The following ANO10 variants were observed in gnomAD, a reference collection of about 807,000 sequenced individuals.
ANO10 encodes anoctamin 10.
In ANO10, 77 loss-of-function variants were observed where a neutral mutation model predicts 74.7. The ratio of observed to expected loss-of-function variants is 1.03; its 90% CI spans 0.86 to 1.25. The LOEUF (loss-of-function observed/expected upper bound fraction) is 1.25. ANO10 is among the 50% of genes most tolerant of loss of function. The pLI, the probability that ANO10 is intolerant of heterozygous loss-of-function variation, is 0.00. For synonymous variants in ANO10, 279 were observed against 284.9 expected (o/e 0.98, Z 0.21); for missense variants, 721 against 778.1 (o/e 0.93, Z 0.87).
chr3:43,494,096 A>T (rs1179329042), intron 11 of ANO10, among the ~76,000 whole-genome samples: 1 of 152,230 alleles, frequency 6.6e-6, no homozygotes, highest in Non-Finnish European at 1.5e-5. Context: ...AAAGACTAAG[A>T]CAGAGATGTT....
rs575365246 is a variant in ANO10 at position 43,610,549 on chromosome 3, C to T, written c.-11-4686G>A. ...CGGCATCACCACAAACACATGAATA[C>T]TGTGTTACACTACGATGTCAGCAGG... On this transcript the variant is annotated intron_variant, in intron 1 of 12. Transcript: ENST00000292246. Among the ~76,000 whole-genome samples, 8 of 152,332 alleles carry T rather than the reference C, an allele frequency of 5.3e-5. No homozygotes were observed. In the South Asian group the frequency reaches 1.7e-3, roughly 32 times the overall value.
At chr3:43,395,599 T>A (rs1247777634) in intron 12 of ANO10, among the ~76,000 whole-genome samples, 1 of 152,206 alleles carries the variant, frequency 6.6e-6, no homozygotes, top group Non-Finnish European at 1.5e-5. Context: ...CATACATGTG[T>A]GAGGTTATCA....
Position 43,428,796 on chromosome 3 carries a change from C to CAA in ANO10, c.1914+3813_1914+3814dup, listed in dbSNP as rs56213626. On this transcript the variant is annotated intron_variant, in intron 12 of 12. Coordinates refer to ENST00000292246, the MANE Select transcript of ANO10 (RefSeq NM_018075.5). ...CCAAAATCCTGAAACTTTGTGAATG[C>CAA]AAAAAAAAAAAAAAAAAAAAAAGTC... is the stretch of plus-strand genomic sequence containing the variant. 7.4e-4 allele frequency among the ~76,000 whole-genome samples: 41 copies of CAA among 55,438 alleles called. 12 individuals are homozygous for CAA. The highest frequency in any genetic ancestry group is 9.3e-4 in the Non-Finnish European group (29 of 31,072). 36.4% of individuals were successfully genotyped at this position (55,438 alleles called of 152,430 possible).
chr3:43,524,808 T>C (rs1427266853), intron 11 of ANO10, among the ~76,000 whole-genome samples: 1 of 152,156 alleles, frequency 6.6e-6, no homozygotes, highest in Non-Finnish European at 1.5e-5. Flanking sequence ...CAGTCACTCA[T>C]GATATTTCCT....
intron 12 of ANO10, among the ~76,000 whole-genome samples, chr3:43,379,393 T>G (rs369665968): frequency 6.6e-6 from 1 of 150,568 alleles, no homozygotes; most frequent in South Asian, 2.1e-4. Context: ...AAATGGCAAA[T>G]AGAAGGAAGG....
intron 4 of ANO10, among the ~76,000 whole-genome samples, chr3:43,596,977 A>C (rs2082118399): frequency 6.6e-6 from 1 of 152,260 alleles, no homozygotes; most frequent in African/African-American, 2.4e-5. Flanking sequence ...ATTTCTCAAA[A>C]GAAGACATTT....
intron 2 of ANO10, among the ~76,000 whole-genome samples, chr3:43,602,016 G>A (rs1334861261): frequency 1.3e-5 from 2 of 152,142 alleles, no homozygotes; most frequent in Non-Finnish European, 2.9e-5. Context: ...CCTGCACAAC[G>A]TTAAGTTTCC....
intron 11 of ANO10, among the ~76,000 whole-genome samples, chr3:43,502,294 A>T (rs2077127472): frequency 6.6e-6 from 1 of 152,114 alleles, no homozygotes; most frequent in Non-Finnish European, 1.5e-5. Context: ...CTGATCCCTG[A>T]TATTGGAGAT....
chr3:43,496,836 CCT>C (rs757556310), intron 11 of ANO10, among the ~76,000 whole-genome samples: 1 of 152,076 alleles, frequency 6.6e-6, no homozygotes, highest in Non-Finnish European at 1.5e-5. Flanking sequence ...TTCAAATCCT[CCT>C]CTGATTTTTG....
chr3:43,585,335 GGGAA>G (rs143780186), intron 4 of ANO10, among the ~76,000 whole-genome samples: 9,015 of 151,996 alleles, frequency 0.059, 363 homozygotes, highest in Admixed American at 0.11. Flanking sequence ...CGGAAGGAAA[GGGAA>G]GGGAGAAGAG....
At chr3:43,690,905 C>T (rs1320988126) in intron 1 of ANO10, 3 of 1,408,350 alleles carry the variant, frequency 2.1e-6, no homozygotes, top group East Asian at 5.8e-5. Flanking sequence ...CGGCCTGCGC[C>T]GCCTTAAGTG....
At chr3:43,602,474 T>C (rs1299698298) in intron 2 of ANO10, among the ~76,000 whole-genome samples, 2 of 152,154 alleles carry the variant, frequency 1.3e-5, no homozygotes, top group South Asian at 2.1e-4. Flanking sequence ...ATAACTGAGA[T>C]ACAGGCACAC....
At chr3:43,556,720 G>C (rs1301632465) in intron 9 of ANO10, among the ~76,000 whole-genome samples, 1 of 152,096 alleles carries the variant, frequency 6.6e-6, no homozygotes, top group Non-Finnish European at 1.5e-5. Flanking sequence ...CAGCTGAGAA[G>C]TTTTAAACTG....
Position 43,571,885 on chromosome 3 carries a change from T to C in ANO10, c.1218+2924A>G, listed in dbSNP as rs1339879560. Among the ~76,000 whole-genome samples the C allele has an allele frequency of 4.1e-5, 4 of 96,826 alleles. No homozygotes were observed. The South Asian group carries it at 9.1e-4, about 22-fold the overall frequency. The allele number at this position is 96,826 out of a possible 152,430, so 63.5% of individuals were successfully genotyped here. On this transcript the variant is annotated intron_variant, in intron 7 of 12. Coordinates refer to ENST00000292246, the MANE Select transcript of ANO10 (RefSeq NM_018075.5). The stretch of plus-strand genomic sequence containing the variant: ...ATTAAAAAAAAAAAAAAAAGAAAAA[T>C]GTAATGGGAGACTTCCAGTCTAAAT...
intron 12 of ANO10, among the ~76,000 whole-genome samples, chr3:43,379,770 G>A (rs1216318614): frequency 6.6e-6 from 1 of 152,114 alleles, no homozygotes; most frequent in Non-Finnish European, 1.5e-5. Context: ...TACAGCAGAG[G>A]CAAGGTTGTT....
rs146398090 is a variant in ANO10, at chr3:43,561,533, T to A, written c.1294-131A>T. On this transcript the variant is annotated intron_variant, in intron 8 of 12. Coordinates refer to ENST00000292246, the MANE Select transcript of ANO10 (RefSeq NM_018075.5). ...CAATTATGCAACAAATAAAATGGAA[T>A]CTTCAATAAATAGCATACTATTGTG... 26 of 865,842 alleles carry A rather than the reference T, an allele frequency of 3.0e-5. No individual in the cohort carries two copies. In the African/African-American group the frequency reaches 3.9e-4, roughly 13 times the overall value. 53.6% of individuals were successfully genotyped at this position (865,842 alleles called of 1,614,324 possible). A position where few individuals can be genotyped will look rare whatever the true frequency, so the allele number is the denominator to read the frequency against.
Position 43,605,814 on chromosome 3 carries a change from A to T in ANO10, c.39T>A (p.Ser13Arg). 1 of 1,613,752 alleles carries T rather than the reference A, an allele frequency of 6.2e-7. No homozygotes were observed. ...CTATGACCACCAAAGGTGTGAAAGA[A>T]CTCTCAGAAGTATCCAAAGCTGATA... ...VTLSALDTSESSFTPLVVIEL... is the reference protein window; with the variant it reads ...VTLSALDTSERSFTPLVVIEL... The change falls in exon 2 of 13, where the codon AGT becomes AGA. Residue 13 changes from serine to arginine, a missense_variant. Coordinates refer to ENST00000292246, the MANE Select transcript of ANO10 (RefSeq NM_018075.5).
rs185610737 is a variant in ANO10 at position 43,682,727 on chromosome 3, C to G, written c.-12+8790G>C. ...TCCAGCAGCACATCAAAAAGCTTAT[C>G]CACCATGATCAAGTGGGCTTCATCC... On this transcript the variant is annotated intron_variant, in intron 1 of 3. Transcript: ENST00000413397. Among the ~76,000 whole-genome samples, 1,340 of 152,290 alleles carry G rather than the reference C, an allele frequency of 8.8e-3. 12 individuals are homozygous for G. Among genetic ancestry groups the G allele is most frequent in the Non-Finnish European group, 0.015 (1,011 of 68,036 alleles).
rs558457898 is a variant in ANO10 at position 43,381,448 on chromosome 3, C to G, written c.1915-14474G>C. Among the ~76,000 whole-genome samples the G allele has an allele frequency of 3.3e-5, 5 of 152,196 alleles. No homozygotes were observed. In the East Asian group the frequency reaches 9.7e-4, roughly 29 times the overall value. ...ATATCAGACAAAACAAACTTTAAAACAACAACAGTTAAAAAGGACAAACAG... is the reference window on the plus strand; with the variant it reads ...ATATCAGACAAAACAAACTTTAAAAGAACAACAGTTAAAAAGGACAAACAG... On this transcript the variant is annotated intron_variant, in intron 12 of 12. Coordinates refer to ENST00000292246, the MANE Select transcript of ANO10 (RefSeq NM_018075.5).
Sources: gnomAD v4.1 joint callset for allele counts (sites outside exome capture counted in the v4.1 genomes callset) on GRCh38, gnomAD v4.1.1 for gene constraint, MANE v1.5 for transcripts, NCBI Gene and HGNC (gene_info 2026-07-23, HGNC 2026-07-21) for gene names.